Variants in C1QTNF3 observed in about 807,000 individuals in gnomAD.
C1QTNF3 encodes the protein complement C1q tumor necrosis factor-related protein 3.
A neutral mutation model predicts 32.6 loss-of-function variants in C1QTNF3; 26 were observed. That is an observed-to-expected ratio of 0.80 (90% CI 0.58 to 1.11). The LOEUF (loss-of-function observed/expected upper bound fraction) is 1.11, where lower values mean the gene tolerates loss of function less well. Among genes scored for constraint, C1QTNF3 ranks in the 50% least tolerant of loss-of-function variants. The pLI is 0.00. For synonymous variants in C1QTNF3, 155 were observed against 146.0 expected (o/e 1.06, Z -0.44); for missense variants, 362 against 398.2 (o/e 0.91, Z 0.77).
At chr5:34,136,802 T>C in the C1QTNF3 span, among the ~76,000 whole-genome samples, 1 of 152,218 alleles carries the variant, frequency 6.6e-6, no homozygotes, top group Non-Finnish European at 1.5e-5. Flanking sequence ...ATAGACACCA[T>C]GGAATACTAT....
the C1QTNF3 span, among the ~76,000 whole-genome samples, chr5:34,178,420 C>G: frequency 6.6e-6 from 1 of 152,184 alleles, no homozygotes; most frequent in Non-Finnish European, 1.5e-5. Context: ...GCAAACAGAA[C>G]AGTGCAGTCC....
chr5:34,175,891 T>G, the C1QTNF3 span: 4 of 810,494 alleles, frequency 4.9e-6, no homozygotes, highest in Non-Finnish European at 8.9e-6. Context: ...CGTTTTTGAT[T>G]GAGACCCAGA....
chr5:34,113,670 C>A, the C1QTNF3 span, among the ~76,000 whole-genome samples: 1,650 of 152,086 alleles, frequency 0.011, 29 homozygotes, highest in African/African-American at 0.037. Flanking sequence ...TACTCTCTCT[C>A]TATATATATG....
chr5:34,225,233 T>G, the C1QTNF3 span, among the ~76,000 whole-genome samples: 1 of 151,900 alleles, frequency 6.6e-6, no homozygotes, highest in African/African-American at 2.4e-5. Context: ...AAAATTTGAA[T>G]AGCTGTATCC....
chr5:34,207,810 CAG>C, the C1QTNF3 span, among the ~76,000 whole-genome samples: 3 of 148,678 alleles, frequency 2.0e-5, no homozygotes, highest in African/African-American at 5.0e-5. Context: ...TTTTTTGAGA[CAG>C]AGTCTCACTC....
the C1QTNF3 span, among the ~76,000 whole-genome samples, chr5:34,096,333 G>C: frequency 6.8e-6 from 1 of 147,868 alleles, no homozygotes; most frequent in Non-Finnish European, 1.5e-5. Context: ...GAAGATAGCT[G>C]ATGCTACAAA....
At chr5:34,070,146 A>C in the C1QTNF3 span, among the ~76,000 whole-genome samples, 1 of 151,866 alleles carries the variant, frequency 6.6e-6, no homozygotes, top group Non-Finnish European at 1.5e-5. Flanking sequence ...CAAATTATGA[A>C]CTCCACTTCA....
At chr5:34,116,517 A>AGAT in the C1QTNF3 span, among the ~76,000 whole-genome samples, 8 of 116,580 alleles carry the variant, frequency 6.9e-5, no homozygotes, top group Admixed American at 8.5e-5. Flanking sequence ...TTAAATGCTT[A>AGAT]AATTTTATAT....
chr5:34,234,016 A>G, the C1QTNF3 span, among the ~76,000 whole-genome samples: 3 of 152,158 alleles, frequency 2.0e-5, no homozygotes, highest in Non-Finnish European at 2.9e-5. Context: ...TACCCACAAT[A>G]TAAGTTTGTT....
chr5:34,207,581 T>A, the C1QTNF3 span, among the ~76,000 whole-genome samples: 15 of 152,234 alleles, frequency 9.9e-5, no homozygotes, highest in Admixed American at 8.5e-4. Context: ...GCAATTGTTT[T>A]GTGCTGGGCT....
chr5:34,070,831 G>A, the C1QTNF3 span, among the ~76,000 whole-genome samples: 7 of 152,170 alleles, frequency 4.6e-5, no homozygotes, highest in South Asian at 1.5e-3. Context: ...AACACTGTAA[G>A]CAATTTATTT....
the C1QTNF3 span, among the ~76,000 whole-genome samples, chr5:34,052,378 T>C: frequency 6.6e-6 from 1 of 152,330 alleles, no homozygotes; most frequent in South Asian, 2.1e-4. Flanking sequence ...CACTAGATCA[T>C]CTATACCATA....
chr5:34,074,726 TGTAA>T, the C1QTNF3 span, among the ~76,000 whole-genome samples: 2 of 151,640 alleles, frequency 1.3e-5, no homozygotes, highest in Non-Finnish European at 2.9e-5. Context: ...CTATTTCAAC[TGTAA>T]GTGTGTTCCT....
At chr5:34,162,515 G>T in the C1QTNF3 span, among the ~76,000 whole-genome samples, 6 of 152,034 alleles carry the variant, frequency 3.9e-5, no homozygotes, top group Non-Finnish European at 8.8e-5. Context: ...CAAATTAATG[G>T]TTTTGTCTAG....
the C1QTNF3 span, among the ~76,000 whole-genome samples, chr5:34,227,538 T>C: frequency 2.6e-5 from 4 of 151,896 alleles, no homozygotes; most frequent in African/African-American, 7.2e-5. Flanking sequence ...GTTATCTTTT[T>C]CAATTTTTCA....
chr5:34,212,390 C>A, the C1QTNF3 span, among the ~76,000 whole-genome samples: 1 of 151,956 alleles, frequency 6.6e-6, no homozygotes, highest in African/African-American at 2.4e-5. Context: ...CAACAAAAGC[C>A]AAAATTGACA....
chr5:34,124,665 T>A, the C1QTNF3 span: 1 of 449,508 alleles, frequency 2.2e-6, no homozygotes, highest in East Asian at 3.5e-5. Context: ...GGGATTACAG[T>A]TCAACATGAG....
the C1QTNF3 span, among the ~76,000 whole-genome samples, chr5:34,155,064 A>T: frequency 6.6e-6 from 1 of 152,224 alleles, no homozygotes; most frequent in South Asian, 2.1e-4. Context: ...AGATATCATG[A>T]GAATAATTAA....
chr5:34,143,810 C>A, the C1QTNF3 span, among the ~76,000 whole-genome samples: 2 of 152,140 alleles, frequency 1.3e-5, no homozygotes, highest in African/African-American at 2.4e-5. Flanking sequence ...AAAAATGACA[C>A]CTGCTACTCC....
Sources: gnomAD v4.1 joint callset for allele counts (sites outside exome capture counted in the v4.1 genomes callset) on GRCh38, gnomAD v4.1.1 for gene constraint, MANE v1.5 for transcripts, NCBI Gene and HGNC (gene_info 2026-07-23, HGNC 2026-07-21) for gene names.